Variants in MGRN1 observed in about 807,000 individuals in gnomAD.
MGRN1 encodes E3 ubiquitin-protein ligase MGRN1.
In MGRN1, 29 loss-of-function variants were observed where a neutral mutation model predicts 69.2. The ratio of observed to expected loss-of-function variants is 0.42; its 90% CI spans 0.31 to 0.57. The LOEUF is 0.57. MGRN1 is among the 20% of genes least tolerant of loss of function. MGRN1 has a pLI of 0.15. For synonymous variants in MGRN1, 470 were observed against 344.2 expected (o/e 1.37, Z -4.04); for missense variants, 998 against 796.2 (o/e 1.25, Z -3.05).
chr16:4,680,286 G>A (rs984594959), intron 12 of MGRN1, 189 bp downstream of exon 12: 1 of 591,504 alleles, frequency 1.7e-6, no homozygotes, highest in Non-Finnish European at 2.9e-6. Context: ...GTCCGTGGGC[G>A]AAACGCCAGG....
intron 15 of MGRN1, 57 bp downstream of exon 15, chr16:4,683,326 T>C: frequency 6.3e-7 from 1 of 1,594,640 alleles, no homozygotes; most frequent in Non-Finnish European, 8.6e-7. Flanking sequence ...AGCCCTGGCT[T>C]ACTGGGGCCT....
chr16:4,678,177 T>G (rs1401700495), intron 11 of MGRN1, among the ~76,000 whole-genome samples: 1 of 152,152 alleles, frequency 6.6e-6, no homozygotes, highest in African/African-American at 2.4e-5. Flanking sequence ...CCATGCTGTT[T>G]CCCCCATGCG....
At chr16:4,681,299 G>A in intron 12 of MGRN1, 1 of 532,668 alleles carries the variant, frequency 1.9e-6, no homozygotes, top group Non-Finnish European at 3.3e-6. Flanking sequence ...GGCTGGGGCG[G>A]TTCTTGGCAG....
chr16:4,678,783 C>T (rs900980845), intron 11 of MGRN1, among the ~76,000 whole-genome samples: 5 of 152,222 alleles, frequency 3.3e-5, no homozygotes, highest in African/African-American at 1.2e-4. Context: ...GCTCTGCTGC[C>T]TCTCTAAACA....
chr16:4,679,995 G>A (rs1249406680), intron 11 of MGRN1, 37 bp from the exon 12 acceptor site: 2 of 1,601,308 alleles, frequency 1.2e-6, no homozygotes, highest in African/African-American at 1.3e-5. Context: ...CCGCGTGGGG[G>A]TGGTAGTTGT....
At chr16:4,666,328 C>T (rs537021613) in intron 7 of MGRN1, among the ~76,000 whole-genome samples, 48 of 152,252 alleles carry the variant, frequency 3.2e-4, no homozygotes, top group African/African-American at 1.0e-3. Context: ...GAAGAGGTCT[C>T]GCTATGTTGC....
intron 16 of MGRN1, chr16:4,687,143 T>C: frequency 1.0e-6 from 1 of 985,382 alleles, no homozygotes; most frequent in Non-Finnish European, 1.2e-6. Flanking sequence ...TCCCTCCCAG[T>C]ACTGGAACCT....
chr16:4,663,773 G>C (rs2078737580), intron 5 of MGRN1, among the ~76,000 whole-genome samples: 1 of 152,262 alleles, frequency 6.6e-6, no homozygotes, highest in African/African-American at 2.4e-5. Context: ...CCACAGAGCA[G>C]TGCTGGGGAG....
At chr16:4,675,711 GAGAC>G (rs978327864) in intron 10 of MGRN1, among the ~76,000 whole-genome samples, 2 of 149,856 alleles carry the variant, frequency 1.3e-5, no homozygotes, top group Admixed American at 1.3e-4. Context: ...CCCCGCCTGA[GAGAC>G]AGGGGAAGAC....
intron 16 of MGRN1, among the ~76,000 whole-genome samples, chr16:4,685,340 G>A (rs1272770975): frequency 6.6e-6 from 1 of 152,244 alleles, no homozygotes. Context: ...GGCCTGGGAA[G>A]GATTGGGACA....
intron 8 of MGRN1, among the ~76,000 whole-genome samples, 178 bp downstream of exon 8, chr16:4,668,490 G>T (rs1318203927): frequency 6.6e-6 from 1 of 150,806 alleles, no homozygotes; most frequent in Non-Finnish European, 1.5e-5. Flanking sequence ...CATACCATCA[G>T]ACACTCACAT....
At chr16:4,656,511 G>A (rs2078541595) in intron 4 of MGRN1, among the ~76,000 whole-genome samples, 1 of 152,260 alleles carries the variant, frequency 6.6e-6, no homozygotes, top group Non-Finnish European at 1.5e-5. Flanking sequence ...GCGGACAGCA[G>A]GCCTCTGGGA....
intron 4 of MGRN1, among the ~76,000 whole-genome samples, chr16:4,655,277 C>G (rs1420216347): frequency 6.6e-6 from 1 of 152,174 alleles, no homozygotes; most frequent in Non-Finnish European, 1.5e-5. Context: ...GTGACCATCT[C>G]AAGTGCACTT....
At chr16:4,679,377 C>T (rs1239242275) in intron 11 of MGRN1, among the ~76,000 whole-genome samples, 1 of 152,124 alleles carries the variant, frequency 6.6e-6, no homozygotes, top group Non-Finnish European at 1.5e-5. Flanking sequence ...GCTCTGACCT[C>T]CACATGCCCC....
At chr16:4,628,595 A>C (rs1897823017) in intron 1 of MGRN1, among the ~76,000 whole-genome samples, 1 of 151,990 alleles carries the variant, frequency 6.6e-6, no homozygotes, top group East Asian at 1.9e-4. Context: ...CCCAGGTTGC[A>C]ATGCAGTGGC....
rs2079401953 is a variant in MGRN1, at chr16:4,689,104, A to G, written c.*196A>G. 1.5e-6 allele frequency: 1 copy of G among 681,410 alleles called. No homozygotes were observed. Among genetic ancestry groups the G allele is most frequent in the Non-Finnish European group, 2.3e-6 (1 of 438,574 alleles). 42.2% of individuals were successfully genotyped at this position (681,410 alleles called of 1,614,324 possible). On this transcript the variant is annotated 3_prime_UTR_variant, in exon 17 of 17. Transcript: ENST00000262370. ...AGTCTCCCTTTTCTACAGTTGATAT[A>G]TTTGTAACTGGTACAAGATGAAGGA...
In MGRN1 at chr16:4,664,599, G is replaced by GCTGCTGCCTC; in HGVS notation, c.562-104_562-95dup. The stretch of plus-strand genomic sequence containing the variant: ...TCTCGAGGCGTGTCCTCTGAGCTCT[G>GCTGCTGCCTC]CTGCTGCCTCCTGCTCCTGCCTGCT... On this transcript the variant is annotated intron_variant, in intron 5 of 16. Transcript: ENST00000262370. 4 of 1,149,046 alleles carry GCTGCTGCCTC rather than the reference G, an allele frequency of 3.5e-6. No individual in the cohort carries two copies. In the South Asian group the frequency reaches 5.1e-5, roughly 15 times the overall value. The allele number at this position is 1,149,046 out of a possible 1,614,324, so 71.2% of individuals were successfully genotyped here.
rs1161701700 is a variant in MGRN1, at chr16:4,668,711, C to A, written c.726+399C>A. Among the ~76,000 whole-genome samples the A allele has an allele frequency of 2.9e-5, 4 of 137,052 alleles. No homozygotes were observed. In the East Asian group the frequency reaches 8.1e-4, roughly 28 times the overall value. The allele number at this position is 137,052 out of a possible 152,430, so 89.9% of individuals were successfully genotyped here. A position where few individuals can be genotyped will look rare whatever the true frequency, so the allele number is the denominator to read the frequency against. ...TCGTACACATACACACATACACTCACACTCACTCACATATACATAGACACA... is the reference window on the plus strand; with the variant it reads ...TCGTACACATACACACATACACTCAAACTCACTCACATATACATAGACACA... On this transcript the variant is annotated intron_variant, in intron 8 of 16. Transcript: ENST00000262370.
chr16:4,668,381 A>G, intron 8 of MGRN1, 69 bp downstream of exon 8: 1 of 1,525,326 alleles, frequency 6.6e-7, no homozygotes, highest in Non-Finnish European at 9.1e-7. Context: ...TCACACGCAT[A>G]CTCATACATA....
Sources: gnomAD v4.1 joint callset for allele counts (sites outside exome capture counted in the v4.1 genomes callset) on GRCh38, gnomAD v4.1.1 for gene constraint, MANE v1.5 for transcripts, NCBI Gene and HGNC (gene_info 2026-07-23, HGNC 2026-07-21) for gene names.